POU2F1: variants seen among roughly 807,000 people sequenced by gnomAD.
POU2F1 encodes the protein POU domain, class 2, transcription factor 1.
Under a neutral mutation model 84.9 loss-of-function variants are expected in POU2F1, and 16 were observed. The ratio of observed to expected loss-of-function variants is 0.19; its 90% CI spans 0.13 to 0.29. POU2F1 has a LOEUF of 0.29. Among genes scored for constraint, POU2F1 ranks in the 10% least tolerant of loss-of-function variants. The pLI is 1.00. For synonymous variants in POU2F1, 368 were observed against 368.3 expected (o/e 1.00, Z 0.01); for missense variants, 738 against 942.6 (o/e 0.78, Z 2.84).
intron 2 of POU2F1, among the ~76,000 whole-genome samples, chr1:167,342,536 AG>A (rs1657926323): frequency 6.6e-6 from 1 of 152,204 alleles, no homozygotes; most frequent in Admixed American, 6.5e-5. Context: ...CTGAAAGACC[AG>A]GGTACCAGTG....
chr1:167,414,919 G>T (rs1195210770), intron 15 of POU2F1, among the ~76,000 whole-genome samples: 1 of 151,972 alleles, frequency 6.6e-6, no homozygotes, highest in Non-Finnish European at 1.5e-5. Context: ...TGGCACCAGG[G>T]ACTGGTTTTC....
At chr1:167,326,816 T>A (rs916065245) in intron 1 of POU2F1, among the ~76,000 whole-genome samples, 1 of 152,196 alleles carries the variant, frequency 6.6e-6, no homozygotes, top group Non-Finnish European at 1.5e-5. Flanking sequence ...TGGCTGCAAG[T>A]CATCCTTAGC....
intron 1 of POU2F1, among the ~76,000 whole-genome samples, chr1:167,296,304 G>C (rs1261429786): frequency 6.6e-6 from 1 of 152,050 alleles, no homozygotes; most frequent in Non-Finnish European, 1.5e-5. Context: ...TCACAACTTA[G>C]AACTTTCTCA....
rs1248650861 is a variant in POU2F1, at chr1:167,376,167, C to A, written c.718+12C>A. The A allele has an allele frequency of 6.2e-7, 1 of 1,613,944 alleles. No individual in the cohort carries two copies. The highest frequency in any genetic ancestry group is 1.7e-5 in the Admixed American group (1 of 60,008). ...CCAGGGCCAGCAGGGTGAGCTCCTC[C>A]TTAGAGCTTATTAGTGGTATACCAA... is the stretch of plus-strand genomic sequence containing the variant. On this transcript the variant is annotated intron_variant, in intron 7 of 15. Coordinates refer to ENST00000367866, the MANE Select transcript of POU2F1 (RefSeq NM_002697.4).
At chr1:167,386,214 G>A (rs924109855) in intron 8 of POU2F1, among the ~76,000 whole-genome samples, 34 of 152,180 alleles carry the variant, frequency 2.2e-4, no homozygotes, top group African/African-American at 7.9e-4. Context: ...TGAGGGGGAG[G>A]CAAGGTCTTG....
intron 4 of POU2F1, among the ~76,000 whole-genome samples, chr1:167,371,169 A>G (rs1289723634): frequency 1.3e-5 from 2 of 152,188 alleles, no homozygotes; most frequent in African/African-American, 4.8e-5. Flanking sequence ...TTGCCATGGT[A>G]AACTTTCATC....
At chr1:167,275,509 G>T (rs1652667714) in intron 1 of POU2F1, among the ~76,000 whole-genome samples, 1 of 152,108 alleles carries the variant, frequency 6.6e-6, no homozygotes, top group Admixed American at 6.5e-5. Flanking sequence ...TGAAGATGGG[G>T]CCAAATACTG....
chr1:167,415,709 G>GCCACCT lies in POU2F1; in HGVS notation c.2208_2213dup (p.Thr737_Ser738dup). 1.2e-6 allele frequency: 2 copies of GCCACCT among 1,614,012 alleles called. No homozygotes were observed. The highest frequency in any genetic ancestry group is 2.2e-5 in the East Asian group (1 of 44,872). ...CTCTGCACCTGTAGCCAGCCTTCAC[G>GCCACCT]CCACCTCCACCTCTGCTGAGTCCAT... On this transcript the variant is annotated inframe_insertion, in exon 16 of 16. Transcript: ENST00000367866.
chr1:167,339,814 T>G (rs538863479), intron 2 of POU2F1, among the ~76,000 whole-genome samples: 1 of 152,372 alleles, frequency 6.6e-6, no homozygotes, highest in African/African-American at 2.4e-5. Context: ...ACAAATTAAT[T>G]TACTATAAAG....
Position 167,426,292 on chromosome 1 carries a change from CATAGCATGAAAATA to C in POU2F1, c.*10485_*10498del, listed in dbSNP as rs1650944216. ...TGTTTCAGTGTAATGCTCTTAAAGT[CATAGCATGAAAATA>C]ATTGAACTGTCCTATTCTTAGTAGT... On this transcript the variant is annotated 3_prime_UTR_variant, in exon 16 of 16. Transcript: ENST00000367866. 1 of 152,056 alleles carries C rather than the reference CATAGCATGAAAATA, an allele frequency of 6.6e-6. No homozygotes were observed. The highest frequency in any genetic ancestry group is 1.5e-5 in the Non-Finnish European group (1 of 68,020). The allele number at this position is 152,056 out of a possible 1,614,324, so 9.4% of individuals were successfully genotyped here. A position where few individuals can be genotyped will look rare whatever the true frequency, so the allele number is the denominator to read the frequency against.
At chr1:167,266,622 A>ATTTTT (rs34659711) in intron 1 of POU2F1, among the ~76,000 whole-genome samples, 1 of 136,834 alleles carries the variant, frequency 7.3e-6, no homozygotes, top group African/African-American at 2.8e-5. Context: ...AATACTATTA[A>ATTTTT]TTTTTTTTTT....
At chr1:167,262,292 A>T (rs1008425119) in intron 1 of POU2F1, among the ~76,000 whole-genome samples, 4 of 152,024 alleles carry the variant, frequency 2.6e-5, no homozygotes, top group African/African-American at 7.2e-5. Context: ...TCAGCCTCCC[A>T]AGTAGCTGGA....
intron 1 of POU2F1, among the ~76,000 whole-genome samples, chr1:167,261,296 A>G (rs1651552125): frequency 6.6e-6 from 1 of 152,186 alleles, no homozygotes; most frequent in South Asian, 2.1e-4. Context: ...CACTCATGAA[A>G]GGAAAGATGC....
intron 1 of POU2F1, among the ~76,000 whole-genome samples, chr1:167,243,194 A>G (rs1021616387): frequency 2.6e-5 from 4 of 152,246 alleles, no homozygotes; most frequent in African/African-American, 7.2e-5. Context: ...TAATGTTTCA[A>G]TAACTGACCA....
At chr1:167,362,705 G>A (rs1441136262) in intron 2 of POU2F1, among the ~76,000 whole-genome samples, 1 of 152,162 alleles carries the variant, frequency 6.6e-6, no homozygotes, top group Non-Finnish European at 1.5e-5. Context: ...GGGTTTCTGT[G>A]GGAAAGTCAG....
At chr1:167,340,196 C>T (rs1015690810) in intron 2 of POU2F1, among the ~76,000 whole-genome samples, 2 of 151,858 alleles carry the variant, frequency 1.3e-5, no homozygotes, top group African/African-American at 4.8e-5. Context: ...TCTCCTGCCT[C>T]AGCCTCCCAA....
intron 7 of POU2F1, among the ~76,000 whole-genome samples, chr1:167,378,510 G>A (rs888257198): frequency 6.6e-6 from 1 of 151,276 alleles, no homozygotes; most frequent in African/African-American, 2.4e-5. Flanking sequence ...GTGTTCAAGC[G>A]ATTCTCCTGT....
intron 8 of POU2F1, chr1:167,387,265 A>C (rs1309242542): frequency 4.4e-6 from 2 of 455,358 alleles, no homozygotes; most frequent in Non-Finnish European, 8.8e-6. Context: ...AGCGATTTTT[A>C]GTCCTTTATT....
At chr1:167,407,855 A>G (rs1466830185) in intron 13 of POU2F1, among the ~76,000 whole-genome samples, 1 of 152,256 alleles carries the variant, frequency 6.6e-6, no homozygotes, top group Non-Finnish European at 1.5e-5. Context: ...CACAGAGTTC[A>G]TATACACAGC....
Sources: allele counts gnomAD v4.1 joint callset (sites outside exome capture counted in the v4.1 genomes callset), GRCh38; gene constraint gnomAD v4.1.1; transcripts MANE v1.5; gene names NCBI Gene and HGNC (gene_info 2026-07-23, HGNC 2026-07-21).